The following UNC13C variants were observed in gnomAD, a reference collection of about 807,000 sequenced individuals.
UNC13C encodes the protein unc-13 homolog C, also known as protein unc-13 homolog C.
In UNC13C, 174 loss-of-function variants were observed where a neutral mutation model predicts 245.4. That is an observed-to-expected ratio of 0.71 (90% CI 0.63 to 0.80). The LOEUF (loss-of-function observed/expected upper bound fraction) is 0.80, where lower values mean the gene tolerates loss of function less well. Ranked by LOEUF, UNC13C falls within the 30% of genes least tolerant of loss-of-function variation. The pLI is 0.00. For synonymous variants in UNC13C, 992 were observed against 895.1 expected, an observed-to-expected ratio of 1.11 and a Z score of -1.93; for missense variants, 2,829 against 2,602.9, an observed-to-expected ratio of 1.09 and a Z score of -1.89.
chr15:54,041,573 A>G (rs1294890158), intron 2 of UNC13C, among the ~76,000 whole-genome samples: 2 of 152,202 alleles, frequency 1.3e-5, no homozygotes, highest in East Asian at 3.9e-4. Context: ...CCAAAGCTAC[A>G]TAGCATAGTA....
chr15:54,053,136 C>T (rs770988185), intron 2 of UNC13C, among the ~76,000 whole-genome samples: 1 of 152,148 alleles, frequency 6.6e-6, no homozygotes, highest in South Asian at 2.1e-4. Flanking sequence ...ATAGAAGGGA[C>T]TACAGGTGTG....
At chr15:54,316,827 C>A (rs1169305546) in intron 13 of UNC13C, among the ~76,000 whole-genome samples, 2 of 151,946 alleles carry the variant, frequency 1.3e-5, no homozygotes, top group East Asian at 1.9e-4. Context: ...CACCTCCAAG[C>A]CTGCTCCTCC....
At chr15:54,384,586 C>A (rs2039796832) in intron 17 of UNC13C, among the ~76,000 whole-genome samples, 1 of 151,952 alleles carries the variant, frequency 6.6e-6, no homozygotes, top group Admixed American at 6.6e-5. Context: ...TATTGGTCTT[C>A]CGAAAATCTT....
chr15:54,016,267 C>T (rs1046100305), intron 2 of UNC13C, among the ~76,000 whole-genome samples: 2 of 152,118 alleles, frequency 1.3e-5, no homozygotes, highest in Non-Finnish European at 2.9e-5. Context: ...TTCTTGGTTC[C>T]ATTAAGTTTA....
At chr15:54,031,696 A>C (rs1896365452) in intron 2 of UNC13C, among the ~76,000 whole-genome samples, 1 of 152,216 alleles carries the variant, frequency 6.6e-6, no homozygotes, top group Non-Finnish European at 1.5e-5. Context: ...ATAATGACTT[A>C]CCTGTACAGG....
intron 10 of UNC13C, among the ~76,000 whole-genome samples, chr15:54,278,639 T>C (rs2036897162): frequency 6.6e-6 from 1 of 152,192 alleles, no homozygotes; most frequent in Non-Finnish European, 1.5e-5. Context: ...GTTTTGTGAA[T>C]GCACTAGTTA....
At chr15:53,955,525 C>T in the UNC13C span, among the ~76,000 whole-genome samples, 1 of 152,100 alleles carries the variant, frequency 6.6e-6, no homozygotes, top group African/African-American at 2.4e-5. Flanking sequence ...AGCAATCTAC[C>T]CTTGGCTGAA....
At chr15:54,115,296 G>T (rs1045626714) in intron 2 of UNC13C, among the ~76,000 whole-genome samples, 1 of 152,076 alleles carries the variant, frequency 6.6e-6, no homozygotes, top group Non-Finnish European at 1.5e-5. Context: ...TATGCTTTGA[G>T]AAAGGAAGCT....
chr15:53,852,596 T>G, the UNC13C span, among the ~76,000 whole-genome samples: 1 of 152,106 alleles, frequency 6.6e-6, no homozygotes, highest in Non-Finnish European at 1.5e-5. Context: ...CTGAGCTCTT[T>G]GACTAGGCTC....
chr15:54,192,887 C>G (rs1258519061), intron 4 of UNC13C, among the ~76,000 whole-genome samples: 1 of 149,330 alleles, frequency 6.7e-6, no homozygotes, highest in Non-Finnish European at 1.5e-5. Flanking sequence ...CTTTCTTTCT[C>G]TTTCTCTGTG....
chr15:54,201,524 A>G (rs2141346837), intron 4 of UNC13C, among the ~76,000 whole-genome samples: 1 of 152,210 alleles, frequency 6.6e-6, no homozygotes, highest in Non-Finnish European at 1.5e-5. Flanking sequence ...TTAAGTCAAT[A>G]AATATGATAC....
chr15:54,438,077 A>G (rs937856812), intron 19 of UNC13C, among the ~76,000 whole-genome samples: 5 of 151,858 alleles, frequency 3.3e-5, no homozygotes, highest in African/African-American at 1.2e-4. Context: ...TCTTTACAAC[A>G]TATTTGGTGA....
At position 54,555,541 on chromosome 15, in the gene UNC13C, TCGAG is replaced by T. The variant is rs764873156; in HGVS notation, c.5958+30_5958+33del. On this transcript the variant is annotated intron_variant, in intron 29 of 32. Coordinates refer to ENST00000260323, the MANE Select transcript of UNC13C (RefSeq NM_001080534.3). ...AGATTATAATGCTCCTATATATACA[TCGAG>T]AGAGGCCCCCATTTACCTCCAGAGA... The T allele has an allele frequency of 1.5e-5, 23 of 1,556,642 alleles. No homozygotes were observed. The Admixed American group carries it at 4.0e-4, about 27-fold the overall frequency.
At chr15:54,501,618 T>C (rs1186137549) in intron 22 of UNC13C, among the ~76,000 whole-genome samples, 1 of 152,046 alleles carries the variant, frequency 6.6e-6, no homozygotes, top group African/African-American at 2.4e-5. Flanking sequence ...AAAATCCATA[T>C]AATATGCAAG....
Position 54,525,562 on chromosome 15 carries a change from C to G in UNC13C, c.5471C>G (p.Ala1824Gly). Residue 1824 changes from alanine (A) to glycine (G), a missense_variant, in exon 25 of 33, where the codon GCT becomes GGT. Transcript: ENST00000260323. The stretch of plus-strand genomic sequence containing the variant: ...GTCTCTCTGCAGCTAGATTCTGAAG[C>G]TAGTACTATTCTAAAAGAACTTCAG... Reference protein sequence around the residue: ...SMGGKELDSEASTILKELQVK... With the variant: ...SMGGKELDSEGSTILKELQVK... 1 of 1,612,300 alleles carries G rather than the reference C, an allele frequency of 6.2e-7. No homozygotes were observed. The highest frequency in any genetic ancestry group is 8.5e-7 in the Non-Finnish European group (1 of 1,179,120).
At chr15:53,848,300 G>T in the UNC13C span, among the ~76,000 whole-genome samples, 1 of 151,718 alleles carries the variant, frequency 6.6e-6, no homozygotes, top group Non-Finnish European at 1.5e-5. Context: ...TATTGCTTTC[G>T]TCTATAGCTT....
At chr15:54,075,527 G>A (rs905422505) in intron 2 of UNC13C, among the ~76,000 whole-genome samples, 3 of 122,204 alleles carry the variant, frequency 2.5e-5, no homozygotes, top group Admixed American at 1.1e-4. Context: ...ACTCCAGCCC[G>A]GGCGACAGAG....
chr15:53,965,479 C>G, the UNC13C span, among the ~76,000 whole-genome samples: 5 of 151,592 alleles, frequency 3.3e-5, no homozygotes, highest in African/African-American at 1.2e-4. Flanking sequence ...AATCAGAATC[C>G]AAATAATATT....
chr15:53,936,965 GT>G, the UNC13C span, among the ~76,000 whole-genome samples: 1 of 152,200 alleles, frequency 6.6e-6, no homozygotes, highest in Non-Finnish European at 1.5e-5. Flanking sequence ...AAAAGCCATA[GT>G]GCCTCTTCTC....
Sources: allele counts gnomAD v4.1 joint callset (sites outside exome capture counted in the v4.1 genomes callset), GRCh38; gene constraint gnomAD v4.1.1; transcripts MANE v1.5; gene names NCBI Gene and HGNC (gene_info 2026-07-23, HGNC 2026-07-21).